CREB1: variants seen among roughly 807,000 people sequenced by gnomAD.
The protein encoded by CREB1 is cAMP responsive element binding protein 1, also known as cyclic AMP-responsive element-binding protein 1.
In CREB1, 2 loss-of-function variants were observed where a neutral mutation model predicts 42.0. The ratio of observed to expected loss-of-function variants is 0.05; its 90% CI spans 0.02 to 0.15. The LOEUF is 0.15. CREB1 is among the 10% of genes least tolerant of loss of function. The pLI is 1.00. For synonymous variants in CREB1, 123 were observed against 139.9 expected (o/e 0.88, Z 0.85); for missense variants, 199 against 388.9 (o/e 0.51, Z 4.11).
At chr2:207,564,053 T>G (rs1382152407) in intron 3 of CREB1, among the ~76,000 whole-genome samples, 1 of 152,090 alleles carries the variant, frequency 6.6e-6, no homozygotes, top group Admixed American at 6.5e-5. Context: ...TTAATATTTA[T>G]GCTTATCATA....
At chr2:207,582,765 C>T (rs1559058394) in intron 7 of CREB1, 1 of 205,336 alleles carries the variant, frequency 4.9e-6, no homozygotes, top group South Asian at 5.7e-5. Flanking sequence ...TGGTGGTGCA[C>T]GCTTGTAATC....
In CREB1 at chr2:207,597,067, T is replaced by C; in HGVS notation, c.*9T>C. ...GCCACAAATCAGATTAATTTGGGAT[T>C]TAAATTTTCACCTGTTAAGGTGGAA... On this transcript the variant is annotated 3_prime_UTR_variant, in exon 8 of 8. Transcript: ENST00000353267. 1 of 1,587,308 alleles carries C rather than the reference T, an allele frequency of 6.3e-7. No homozygotes were observed. The highest frequency in any genetic ancestry group is 8.5e-7 in the Non-Finnish European group (1 of 1,171,750).
At chr2:207,594,946 G>C (rs2085818209) in intron 7 of CREB1, among the ~76,000 whole-genome samples, 3 of 149,704 alleles carry the variant, frequency 2.0e-5, no homozygotes, top group African/African-American at 7.4e-5. Context: ...GTGATACCTA[G>C]TGGTTTTGAT....
chr2:207,534,504 T>TA, intron 1 of CREB1: 1 of 152,370 alleles, frequency 6.6e-6, no homozygotes, highest in Non-Finnish European at 1.5e-5. Context: ...GCTGGTCTGT[T>TA]ACTTTTTAAA....
chr2:207,596,272 A>G (rs986343065), intron 7 of CREB1, among the ~76,000 whole-genome samples: 2 of 152,196 alleles, frequency 1.3e-5, no homozygotes, highest in Non-Finnish European at 2.9e-5. Context: ...AAGATTTTCT[A>G]TTTAAAGGAT....
intron 7 of CREB1, among the ~76,000 whole-genome samples, chr2:207,583,787 T>A (rs2083349919): frequency 6.6e-6 from 1 of 152,250 alleles, no homozygotes; most frequent in Non-Finnish European, 1.5e-5. Flanking sequence ...ATTATACTAG[T>A]TAACTAACAG....
At chr2:207,562,474 T>C (rs768309341) in intron 3 of CREB1, among the ~76,000 whole-genome samples, 6 of 152,204 alleles carry the variant, frequency 3.9e-5, no homozygotes, top group Non-Finnish European at 7.3e-5. Context: ...TATAGAAATA[T>C]TCTCTTTTTT....
chr2:207,531,168 G>A (rs1417596034), intron 1 of CREB1, among the ~76,000 whole-genome samples: 1 of 152,110 alleles, frequency 6.6e-6, no homozygotes, highest in African/African-American at 2.4e-5. Flanking sequence ...ACACTTCGTT[G>A]GAACGAGTAT....
At chr2:207,560,145 T>A in intron 2 of CREB1, 81 bp from the exon 3 acceptor site, 1 of 1,353,186 alleles carries the variant, frequency 7.4e-7, no homozygotes, top group Non-Finnish European at 9.8e-7. Flanking sequence ...TTTTTGCTTC[T>A]AAAAAGTTAT....
intron 2 of CREB1, 113 bp from the exon 3 acceptor site, chr2:207,560,113 C>A: frequency 2.3e-6 from 2 of 871,350 alleles, no homozygotes; most frequent in South Asian, 3.0e-5. Flanking sequence ...CAGTGAAATA[C>A]ATATCTAGCA....
At chr2:207,554,575 A>G (rs1042662205) in intron 1 of CREB1, among the ~76,000 whole-genome samples, 66 of 152,280 alleles carry the variant, frequency 4.3e-4, no homozygotes, top group African/African-American at 1.5e-3. Flanking sequence ...CCCAGTTACC[A>G]GAGATTTCTC....
chr2:207,572,299 C>T (rs2082398659), intron 5 of CREB1, among the ~76,000 whole-genome samples: 1 of 150,966 alleles, frequency 6.6e-6, no homozygotes, highest in South Asian at 2.1e-4. Context: ...TATCCTGTGT[C>T]CTCTCTGTAT....
chr2:207,548,001 C>T (rs2081360925), intron 1 of CREB1, among the ~76,000 whole-genome samples: 1 of 151,822 alleles, frequency 6.6e-6, no homozygotes, highest in African/African-American at 2.4e-5. Context: ...GTGGTGCAAT[C>T]TCGACTCACT....
At position 207,555,683 on chromosome 2, in the gene CREB1, T is replaced by TTTA. The variant is rs936563196; in HGVS notation, c.48_49insTTA (p.Ala16_Val17insLeu). The stretch of plus-strand genomic sequence containing the variant: ...AGAACCAGCAGAGTGGAGATGCAGC[T>TTTA]GTAACAGAAGCTGAAAACCAACAAA... On this transcript the variant is annotated inframe_insertion, in exon 2 of 8. Coordinates refer to ENST00000353267, the MANE Select transcript of CREB1 (RefSeq NM_004379.5). 27 of 1,613,654 alleles carry TTTA rather than the reference T, an allele frequency of 1.7e-5. No homozygotes were observed. Among genetic ancestry groups the TTTA allele is most frequent in the Non-Finnish European group, 2.3e-5 (27 of 1,179,812 alleles).
intron 7 of CREB1, chr2:207,582,957 A>T (rs1208001770): frequency 6.2e-6 from 1 of 161,708 alleles, no homozygotes; most frequent in Non-Finnish European, 1.4e-5. Context: ...ACACCTTCAT[A>T]TATGCACACA....
intron 1 of CREB1, among the ~76,000 whole-genome samples, chr2:207,542,986 G>A (rs931855602): frequency 6.6e-6 from 1 of 152,296 alleles, no homozygotes; most frequent in East Asian, 1.9e-4. Flanking sequence ...CCTTGGTATC[G>A]ATGGGGAATT....
chr2:207,584,882 A>G (rs555702922), intron 7 of CREB1, among the ~76,000 whole-genome samples: 1 of 152,036 alleles, frequency 6.6e-6, no homozygotes, highest in Non-Finnish European at 1.5e-5. Flanking sequence ...TTTTCTTAAC[A>G]TTATCTATCT....
intron 1 of CREB1, among the ~76,000 whole-genome samples, chr2:207,533,634 GCTT>G (rs910050975): frequency 5.3e-5 from 8 of 152,068 alleles, no homozygotes; most frequent in Non-Finnish European, 1.0e-4. Flanking sequence ...AACTTTGATG[GCTT>G]CTTTATTGAA....
rs925604563 is a variant in CREB1, at chr2:207,598,505, C to G, written c.*1447C>G. On this transcript the variant is annotated 3_prime_UTR_variant, in exon 8 of 8. Coordinates refer to ENST00000353267, the MANE Select transcript of CREB1 (RefSeq NM_004379.5). ...TACTCTTAAAAAAAAAAAAAAAAGA[C>G]TAAGGTGGATTTTAAAAATTGGAAA... 6.0e-6 allele frequency: 1 copy of G among 166,264 alleles called. No homozygotes were observed. Among genetic ancestry groups the G allele is most frequent in the Non-Finnish European group, 1.3e-5 (1 of 79,162 alleles). The allele number at this position is 166,264 out of a possible 1,614,324, so 10.3% of individuals were successfully genotyped here. A position where few individuals can be genotyped will look rare whatever the true frequency, so the allele number is the denominator to read the frequency against.
Sources: allele counts gnomAD v4.1 joint callset (sites outside exome capture counted in the v4.1 genomes callset), GRCh38; gene constraint gnomAD v4.1.1; transcripts MANE v1.5; gene names NCBI Gene and HGNC (gene_info 2026-07-23, HGNC 2026-07-21).